The following OXR1 variants were observed in gnomAD, a reference collection of about 807,000 sequenced individuals.
The protein encoded by OXR1 is oxidation resistance protein 1.
In OXR1, 41 loss-of-function variants were observed where a neutral mutation model predicts 104.6. That is an observed-to-expected ratio of 0.39 (90% CI 0.31 to 0.51). The LOEUF is 0.51. Among genes scored for constraint, OXR1 ranks in the 20% least tolerant of loss-of-function variants. The pLI is 0.77. For synonymous variants in OXR1, 348 were observed against 348.4 expected (o/e 1.00, Z 0.01); for missense variants, 955 against 1,031.9 (o/e 0.93, Z 1.02).
intron 16 of OXR1, 128 bp downstream of exon 16, chr8:106,745,990 G>A (rs572018486): frequency 5.1e-6 from 3 of 587,098 alleles, no homozygotes; most frequent in Non-Finnish European, 9.0e-6. Flanking sequence ...TTATGAAAAA[G>A]AGAGTATAAT....
At chr8:106,350,858 C>T (rs535166542) in intron 1 of OXR1, among the ~76,000 whole-genome samples, 4 of 152,296 alleles carry the variant, frequency 2.6e-5, no homozygotes, top group African/African-American at 9.6e-5. Flanking sequence ...TTTGACTCCA[C>T]TTTGCATATA....
At chr8:106,702,062 T>G (rs527460544) in intron 7 of OXR1, among the ~76,000 whole-genome samples, 1 of 152,274 alleles carries the variant, frequency 6.6e-6, no homozygotes, top group African/African-American at 2.4e-5. Context: ...CTCTGCCTCA[T>G]GGGTTCAAGC....
intron 1 of OXR1, among the ~76,000 whole-genome samples, chr8:106,302,508 C>A (rs1305036312): frequency 1.3e-5 from 2 of 151,302 alleles, no homozygotes; most frequent in East Asian, 4.0e-4. Flanking sequence ...ATGGTGTGAA[C>A]CCGGGAGGCG....
At chr8:106,546,661 T>G (rs1815382034) in intron 3 of OXR1, among the ~76,000 whole-genome samples, 1 of 152,224 alleles carries the variant, frequency 6.6e-6, no homozygotes, top group Admixed American at 6.5e-5. Context: ...CAATGATGTA[T>G]TCCCCTCATG....
In OXR1 at chr8:106,572,585, A is replaced by G. The variant is rs1817547361; in HGVS notation, c.220+53446A>G. ...TGCTTGGAAATCTCGTCTGCTGAAC[A>G]CTGAATTTCATCACATGCAAGTTCT... On this transcript the variant is annotated intron_variant, in intron 3 of 16. Coordinates refer to ENST00000517566, the MANE Select transcript of OXR1 (RefSeq NM_001198533.2). Among the ~76,000 whole-genome samples, 3 of 152,316 alleles carry G rather than the reference A, an allele frequency of 2.0e-5. No individual in the cohort carries two copies. In the South Asian group the frequency reaches 6.2e-4, roughly 32 times the overall value.
intron 2 of OXR1, among the ~76,000 whole-genome samples, chr8:106,366,933 G>T (rs1394045322): frequency 6.6e-6 from 1 of 151,150 alleles, no homozygotes; most frequent in African/African-American, 2.4e-5. Flanking sequence ...CATTTTGTTT[G>T]GTTTTTATTT....
intron 3 of OXR1, among the ~76,000 whole-genome samples, chr8:106,557,854 GTTTTTA>G (rs1181297015): frequency 1.3e-5 from 2 of 152,136 alleles, no homozygotes; most frequent in East Asian, 1.9e-4. Flanking sequence ...TGTTCCTTTT[GTTTTTA>G]TTTTTAAGAA....
intron 3 of OXR1, among the ~76,000 whole-genome samples, chr8:106,545,216 A>G (rs184972821): frequency 3.9e-5 from 6 of 152,322 alleles, no homozygotes; most frequent in Middle Eastern, 3.4e-3. Context: ...CGTATAATAC[A>G]AAACAGAAGT....
At chr8:106,336,140 T>G (rs1814954212) in intron 1 of OXR1, among the ~76,000 whole-genome samples, 1 of 152,286 alleles carries the variant, frequency 6.6e-6, no homozygotes, top group East Asian at 1.9e-4. Flanking sequence ...TTAATGTTAA[T>G]CTCATTTTCC....
intron 1 of OXR1, among the ~76,000 whole-genome samples, chr8:106,344,782 C>G (rs1815409342): frequency 6.6e-6 from 1 of 152,146 alleles, no homozygotes; most frequent in Non-Finnish European, 1.5e-5. Flanking sequence ...CTCTTGTATT[C>G]CTTTCCAGTC....
chr8:106,316,732 C>CATT (rs1813973496), intron 1 of OXR1, among the ~76,000 whole-genome samples: 1 of 116,380 alleles, frequency 8.6e-6, no homozygotes, highest in African/African-American at 3.1e-5. Flanking sequence ...ATCTATCTAT[C>CATT]TATCTATCTA....
intron 1 of OXR1, among the ~76,000 whole-genome samples, chr8:106,293,860 T>C (rs1503560): frequency 0.22 from 33,367 of 151,886 alleles, 5,435 homozygotes; most frequent in African/African-American, 0.46. Context: ...AAACACCCTG[T>C]CTCCCAACAC....
intron 3 of OXR1, among the ~76,000 whole-genome samples, chr8:106,664,413 A>G (rs1826071048): frequency 6.6e-6 from 1 of 152,172 alleles, no homozygotes; most frequent in Non-Finnish European, 1.5e-5. Flanking sequence ...TGGTCTGGCA[A>G]CCACACTTTT....
intron 3 of OXR1, among the ~76,000 whole-genome samples, chr8:106,579,542 A>C (rs999397832): frequency 6.6e-6 from 1 of 152,172 alleles, no homozygotes; most frequent in African/African-American, 2.4e-5. Flanking sequence ...CTTGGGACTG[A>C]GCTTGCTGGC....
chr8:106,428,822 A>T (rs1190437389), intron 2 of OXR1, among the ~76,000 whole-genome samples: 2 of 152,088 alleles, frequency 1.3e-5, no homozygotes, highest in Non-Finnish European at 2.9e-5. Flanking sequence ...GGAAATAAAG[A>T]TATAAGAGTT....
At chr8:106,402,867 C>T (rs554019569) in intron 2 of OXR1, among the ~76,000 whole-genome samples, 2 of 152,240 alleles carry the variant, frequency 1.3e-5, no homozygotes, top group South Asian at 4.1e-4. Flanking sequence ...GTCGCCCAGA[C>T]TGGAGTGCAG....
intron 2 of OXR1, among the ~76,000 whole-genome samples, chr8:106,398,264 TGTACATCAGA>T (rs1817860808): frequency 1.3e-5 from 2 of 152,198 alleles, no homozygotes; most frequent in South Asian, 4.1e-4. Flanking sequence ...TAAACTTAGC[TGTACATCAGA>T]GTCACCTGGG....
chr8:106,318,741 T>A (rs1329511829), intron 1 of OXR1, among the ~76,000 whole-genome samples: 1 of 152,186 alleles, frequency 6.6e-6, no homozygotes, highest in East Asian at 1.9e-4. Context: ...TTGGCTTAGA[T>A]TACACAATTA....
At chr8:106,290,550 C>T (rs550319719) in intron 1 of OXR1, among the ~76,000 whole-genome samples, 177 of 152,056 alleles carry the variant, frequency 1.2e-3, no homozygotes, top group Non-Finnish European at 1.9e-3. Context: ...ACTAAGCATC[C>T]AACAAAGGTC....
Sources: allele counts gnomAD v4.1 joint callset (sites outside exome capture counted in the v4.1 genomes callset), GRCh38; gene constraint gnomAD v4.1.1; transcripts MANE v1.5; gene names NCBI Gene and HGNC (gene_info 2026-07-23, HGNC 2026-07-21).